Variants in DNER observed in about 807,000 individuals in gnomAD.
DNER encodes the protein delta/notch like EGF repeat containing.
Under a neutral mutation model 78.2 loss-of-function variants are expected in DNER, and 33 were observed. The ratio of observed to expected loss-of-function variants is 0.42; its 90% CI spans 0.32 to 0.56. The LOEUF is 0.56. Ranked by LOEUF, DNER falls within the 20% of genes least tolerant of loss-of-function variation. The pLI, the probability that DNER is intolerant of heterozygous loss-of-function variation, is 0.11. For missense variants in DNER, 918 were observed against 975.3 expected (o/e 0.94, Z 0.78); for synonymous variants, 417 against 384.8 (o/e 1.08, Z -0.98).
intron 1 of DNER, among the ~76,000 whole-genome samples, chr2:229,607,945 C>A (rs1368201036): frequency 6.8e-6 from 1 of 147,074 alleles, no homozygotes; most frequent in Non-Finnish European, 1.5e-5. Context: ...TCGCTTGAAC[C>A]CAGGAGGCAG....
At chr2:229,528,183 C>T (rs1340675462) in intron 5 of DNER, among the ~76,000 whole-genome samples, 1 of 152,182 alleles carries the variant, frequency 6.6e-6, no homozygotes, top group Non-Finnish European at 1.5e-5. Context: ...TTCTGTTGGC[C>T]AGAAGGGTCC....
chr2:229,373,241 T>C (rs1692527095), intron 11 of DNER, among the ~76,000 whole-genome samples: 1 of 151,980 alleles, frequency 6.6e-6, no homozygotes, highest in Non-Finnish European at 1.5e-5. Flanking sequence ...ACTTAAACAA[T>C]TGAACAAACA....
chr2:229,603,909 C>T (rs1697882058), intron 1 of DNER, among the ~76,000 whole-genome samples: 1 of 152,188 alleles, frequency 6.6e-6, no homozygotes, highest in Non-Finnish European at 1.5e-5. Context: ...TAACTTGCCT[C>T]TACCCAAAAG....
chr2:229,555,734 T>C (rs1401226577), intron 4 of DNER, among the ~76,000 whole-genome samples: 1 of 151,932 alleles, frequency 6.6e-6, no homozygotes, highest in Non-Finnish European at 1.5e-5. Flanking sequence ...TATCATCCAA[T>C]ATGTCCACTT....
intron 10 of DNER, among the ~76,000 whole-genome samples, chr2:229,404,883 C>G (rs1405621808): frequency 6.6e-6 from 1 of 151,984 alleles, no homozygotes; most frequent in Non-Finnish European, 1.5e-5. Context: ...TATATAGAAT[C>G]TTTCAGCATG....
chr2:229,638,197 G>GA (rs1478230092), intron 1 of DNER, among the ~76,000 whole-genome samples: 6 of 152,078 alleles, frequency 3.9e-5, no homozygotes, highest in African/African-American at 4.8e-5. Context: ...TATAGAGATT[G>GA]AAAAAATATT....
At chr2:229,506,946 G>A (rs1463971990) in intron 6 of DNER, among the ~76,000 whole-genome samples, 3 of 152,102 alleles carry the variant, frequency 2.0e-5, no homozygotes, top group Non-Finnish European at 4.4e-5. Context: ...TTATGCTAAT[G>A]TCATGGAATT....
At chr2:229,576,052 T>C (rs966920767) in intron 4 of DNER, among the ~76,000 whole-genome samples, 4 of 152,164 alleles carry the variant, frequency 2.6e-5, no homozygotes, top group East Asian at 1.9e-4. Context: ...AACTATTGCA[T>C]TGGAACATTC....
chr2:229,398,551 T>A (rs555343799), intron 10 of DNER, among the ~76,000 whole-genome samples: 7 of 152,240 alleles, frequency 4.6e-5, no homozygotes, highest in African/African-American at 1.7e-4. Context: ...ATAACTTTTT[T>A]AAAAAGAGAA....
intron 1 of DNER, among the ~76,000 whole-genome samples, chr2:229,685,889 T>C (rs761186529): frequency 2.0e-5 from 3 of 152,062 alleles, no homozygotes; most frequent in Non-Finnish European, 4.4e-5. Flanking sequence ...AAGGTCAGTG[T>C]GAGGCATCGG....
At chr2:229,492,530 C>T (rs1452042805) in intron 6 of DNER, among the ~76,000 whole-genome samples, 1 of 152,204 alleles carries the variant, frequency 6.6e-6, no homozygotes, top group Non-Finnish European at 1.5e-5. Context: ...AGTGAAGAGG[C>T]CTGCATTCCG....
At chr2:229,590,001 C>G (rs2154214587) in intron 2 of DNER, among the ~76,000 whole-genome samples, 1 of 150,420 alleles carries the variant, frequency 6.6e-6, no homozygotes, top group Admixed American at 6.6e-5. Flanking sequence ...AAGGAAATTT[C>G]TAGATGCAGT....
intron 1 of DNER, among the ~76,000 whole-genome samples, chr2:229,601,112 G>C (rs555483808): frequency 6.6e-6 from 1 of 152,164 alleles, no homozygotes; most frequent in Non-Finnish European, 1.5e-5. Context: ...GATGGGACTA[G>C]AACATTCTAA....
intron 1 of DNER, among the ~76,000 whole-genome samples, chr2:229,648,062 A>G (rs1045305527): frequency 1.1e-4 from 16 of 152,138 alleles, no homozygotes; most frequent in Admixed American, 9.8e-4. Flanking sequence ...GCCTTTTTAT[A>G]CTGAAAAAAA....
chr2:229,393,848 A>G lies in DNER; in HGVS notation c.1724-5452T>C, dbSNP rs1443866296. 5.8e-5 allele frequency among the ~76,000 whole-genome samples: 7 copies of G among 119,910 alleles called. No individual in the cohort carries two copies. In the East Asian group the frequency reaches 1.4e-3, roughly 23 times the overall value. 78.7% of individuals were successfully genotyped at this position (119,910 alleles called of 152,430 possible). ...GGCAACAGAGCGAGACTCCGTCTCA[A>G]AACAAAAACAAAAACAAAAACAAAA... On this transcript the variant is annotated intron_variant, in intron 10 of 12. Coordinates refer to ENST00000341772, the MANE Select transcript of DNER (RefSeq NM_139072.4).
chr2:229,640,302 A>C (rs1477564318), intron 1 of DNER, among the ~76,000 whole-genome samples: 1 of 152,242 alleles, frequency 6.6e-6, no homozygotes, highest in Non-Finnish European at 1.5e-5. Flanking sequence ...ATTACAATGC[A>C]ATACTTCCCA....
At chr2:229,678,386 G>C (rs1699331820) in intron 1 of DNER, among the ~76,000 whole-genome samples, 2 of 152,128 alleles carry the variant, frequency 1.3e-5, no homozygotes, top group Non-Finnish European at 2.9e-5. Context: ...AATTCTTCAG[G>C]AAGGCAAATT....
At chr2:229,548,450 G>A (rs1432261261) in intron 4 of DNER, among the ~76,000 whole-genome samples, 1 of 152,178 alleles carries the variant, frequency 6.6e-6, no homozygotes, top group African/African-American at 2.4e-5. Flanking sequence ...CAGGGACATG[G>A]ATGAAGCTGG....
At chr2:229,499,492 C>T (rs1324702937) in intron 6 of DNER, among the ~76,000 whole-genome samples, 1 of 150,180 alleles carries the variant, frequency 6.7e-6, no homozygotes, top group Non-Finnish European at 1.5e-5. Context: ...TAGACAGTCT[C>T]TAAAATAAAT....
Sources: gnomAD v4.1 joint callset for allele counts (sites outside exome capture counted in the v4.1 genomes callset) on GRCh38, gnomAD v4.1.1 for gene constraint, MANE v1.5 for transcripts, NCBI Gene and HGNC (gene_info 2026-07-23, HGNC 2026-07-21) for gene names.